NRG1: variants seen among roughly 807,000 people sequenced by gnomAD.
The protein encoded by NRG1 is neuregulin 1.
Under a neutral mutation model 63.8 loss-of-function variants are expected in NRG1, and 18 were observed. The ratio of observed to expected loss-of-function variants is 0.28; its 90% CI spans 0.19 to 0.42. The LOEUF is 0.42. NRG1 is among the 10% of genes least tolerant of loss of function. NRG1 has a pLI of 1.00. For synonymous variants in NRG1, 302 were observed against 301.3 expected (o/e 1.00, Z -0.02); for missense variants, 762 against 814.7 (o/e 0.94, Z 0.79).
intron 1 of NRG1, among the ~76,000 whole-genome samples, chr8:31,725,248 G>A (rs1476884571): frequency 6.6e-6 from 1 of 152,140 alleles, no homozygotes; most frequent in East Asian, 1.9e-4. Context: ...GCTGATGTTG[G>A]GATTGCATTT....
intron 1 of NRG1, among the ~76,000 whole-genome samples, chr8:31,684,018 A>G (rs1808613606): frequency 6.6e-6 from 1 of 152,222 alleles, no homozygotes; most frequent in Non-Finnish European, 1.5e-5. Context: ...CTTGATTCTC[A>G]TTTCAGTTCT....
intron 1 of NRG1, among the ~76,000 whole-genome samples, chr8:32,315,781 C>T (rs1857314841): frequency 6.6e-6 from 1 of 152,168 alleles, no homozygotes; most frequent in Admixed American, 6.5e-5. Context: ...CTGTAGGTCA[C>T]AGTGTCCAGC....
chr8:31,687,589 A>G (rs1337415306), intron 1 of NRG1, among the ~76,000 whole-genome samples: 1 of 152,214 alleles, frequency 6.6e-6, no homozygotes, highest in Non-Finnish European at 1.5e-5. Flanking sequence ...GTGGGTGTTT[A>G]TAATGAAGAT....
In NRG1 at chr8:32,548,840, G is replaced by A. The variant is rs991249171; in HGVS notation, c.100+14G>A. The A allele has an allele frequency of 2.6e-5, 41 of 1,550,026 alleles. No individual in the cohort carries two copies. The Admixed American group carries it at 4.4e-4, about 17-fold the overall frequency. On this transcript the variant is annotated intron_variant, in intron 1 of 11. Coordinates refer to ENST00000356819, the Ensembl canonical transcript of NRG1. Reference sequence around the variant, plus strand: ...GCCAGAGCCCAGGTGGGTGCGCAGCGCGGCCCGGGCCCCACGATCCTCCTC... The same window carrying A: ...GCCAGAGCCCAGGTGGGTGCGCAGCACGGCCCGGGCCCCACGATCCTCCTC...
chr8:32,024,227 A>T (rs1816894663), intron 1 of NRG1, among the ~76,000 whole-genome samples: 1 of 152,224 alleles, frequency 6.6e-6, no homozygotes. Context: ...TTAGAGCCTT[A>T]TACTTTGTTC....
At chr8:31,652,225 C>T (rs1246472451) in intron 1 of NRG1, among the ~76,000 whole-genome samples, 1 of 152,202 alleles carries the variant, frequency 6.6e-6, no homozygotes, top group South Asian at 2.1e-4. Flanking sequence ...GTGACCACAT[C>T]CCACTGATTC....
In NRG1 at chr8:32,692,755, C is replaced by T. The variant is rs532602579; in HGVS notation, c.503-35194C>T. ...CAGTGTTGTAAGAGTCAGTGTGGCACTTCTGAAGGAAATCTGCCGAGTGCA... is the reference window on the plus strand; with the variant it reads ...CAGTGTTGTAAGAGTCAGTGTGGCATTTCTGAAGGAAATCTGCCGAGTGCA... On this transcript the variant is annotated intron_variant, in intron 5 of 11. Transcript: ENST00000356819. Among the ~76,000 whole-genome samples, 202 of 152,280 alleles carry T rather than the reference C, an allele frequency of 1.3e-3. 1 individual carries two copies. Among genetic ancestry groups the T allele is most frequent in the African/African-American group, 4.7e-3 (197 of 41,550 alleles).
chr8:32,172,519 G>T (rs1840186709), intron 1 of NRG1, among the ~76,000 whole-genome samples: 1 of 152,118 alleles, frequency 6.6e-6, no homozygotes, highest in Non-Finnish European at 1.5e-5. Context: ...GAGAGAAGAA[G>T]GCTTCAGACA....
At chr8:32,473,989 C>G (rs781286796) in intron 1 of NRG1, among the ~76,000 whole-genome samples, 3 of 152,134 alleles carry the variant, frequency 2.0e-5, no homozygotes, top group Non-Finnish European at 2.9e-5. Context: ...CCAGCCCCAC[C>G]CTTACATGTT....
At chr8:32,155,928 A>G (rs1015618601) in intron 1 of NRG1, among the ~76,000 whole-genome samples, 1 of 152,136 alleles carries the variant, frequency 6.6e-6, no homozygotes, top group Non-Finnish European at 1.5e-5. Context: ...ATGATATCCT[A>G]ATCTAAGCTA....
rs544593105 is a variant in NRG1 at position 32,446,616 on chromosome 8, C to T, written c.38-149212C>T. On this transcript the variant is annotated intron_variant, in intron 1 of 10. Transcript: ENST00000519301. ...ATTGCAGTGAGCCAAGATTGTGCCCCTGCACTCCAACCTGGGCAACAGAGT... is the reference window on the plus strand; with the variant it reads ...ATTGCAGTGAGCCAAGATTGTGCCCTTGCACTCCAACCTGGGCAACAGAGT... 7.2e-5 allele frequency among the ~76,000 whole-genome samples: 11 copies of T among 151,868 alleles called. 1 individual carries two copies. The highest frequency in any genetic ancestry group is 2.7e-4 in the African/African-American group (11 of 41,418).
At chr8:31,834,031 T>C (rs1825428846) in intron 1 of NRG1, among the ~76,000 whole-genome samples, 1 of 152,184 alleles carries the variant, frequency 6.6e-6, no homozygotes. Flanking sequence ...GAGTCTTGGC[T>C]TATTTAAAAA....
intron 1 of NRG1, among the ~76,000 whole-genome samples, chr8:32,280,513 C>T (rs1276033163): frequency 6.6e-6 from 1 of 151,920 alleles, no homozygotes; most frequent in Non-Finnish European, 1.5e-5. Flanking sequence ...TATGAGGTAC[C>T]TAGAATAGGC....
intron 1 of NRG1, among the ~76,000 whole-genome samples, chr8:32,479,019 G>A (rs1720513852): frequency 1.3e-5 from 2 of 152,146 alleles, no homozygotes; most frequent in Non-Finnish European, 2.9e-5. Context: ...ACTAAGAAGG[G>A]GGTGTGCTTA....
At chr8:32,035,967 G>A (rs1159321822) in intron 1 of NRG1, among the ~76,000 whole-genome samples, 1 of 152,120 alleles carries the variant, frequency 6.6e-6, no homozygotes, top group Non-Finnish European at 1.5e-5. Flanking sequence ...ATTTGATCCT[G>A]TCATTATGAT....
chr8:31,677,067 T>C (rs1423208435), intron 1 of NRG1, among the ~76,000 whole-genome samples: 1 of 152,174 alleles, frequency 6.6e-6, no homozygotes, highest in East Asian at 1.9e-4. Flanking sequence ...ATGTTTGCCA[T>C]GTGCTCCATT....
upstream of NRG1, among the ~76,000 whole-genome samples, chr8:32,544,583 G>A (rs1832887939): frequency 6.6e-6 from 1 of 150,684 alleles, no homozygotes; most frequent in African/African-American, 2.4e-5. Flanking sequence ...GCTTACTGCA[G>A]CCTCAACCTC....
intron 1 of NRG1, among the ~76,000 whole-genome samples, chr8:32,427,264 C>T (rs1167163631): frequency 6.6e-6 from 1 of 152,098 alleles, no homozygotes; most frequent in Admixed American, 6.6e-5. Flanking sequence ...ATGGTTTTCC[C>T]TGAAAAATCA....
At chr8:32,109,181 G>A (rs969839124) in intron 1 of NRG1, among the ~76,000 whole-genome samples, 1 of 152,132 alleles carries the variant, frequency 6.6e-6, no homozygotes, top group Non-Finnish European at 1.5e-5. Context: ...AGGAAGACAA[G>A]GGCCCAATGA....
Sources: gnomAD v4.1 joint callset for allele counts (sites outside exome capture counted in the v4.1 genomes callset) on GRCh38, gnomAD v4.1.1 for gene constraint, MANE v1.5 for transcripts, NCBI Gene and HGNC (gene_info 2026-07-23, HGNC 2026-07-21) for gene names.